The following TAS1R1 variants were observed in gnomAD, a reference collection of about 807,000 sequenced individuals.
The protein encoded by TAS1R1 is taste 1 receptor member 1.
In TAS1R1, 31 loss-of-function variants were observed where a neutral mutation model predicts 45.8. The ratio of observed to expected loss-of-function variants is 0.68; its 90% CI spans 0.51 to 0.91. TAS1R1 has a LOEUF of 0.91. TAS1R1 is among the 40% of genes least tolerant of loss of function. TAS1R1 has a pLI of 0.00. For synonymous variants in TAS1R1, 437 were observed against 448.4 expected (o/e 0.97, Z 0.32); for missense variants, 1,051 against 1,063.9 (o/e 0.99, Z 0.17).
At chr1:6,576,365 A>G in intron 3 of TAS1R1, 50 bp from the exon 4 acceptor site, 1 of 1,590,364 alleles carries the variant, frequency 6.3e-7, no homozygotes, top group Non-Finnish European at 8.6e-7. Context: ...TTCTGGGACC[A>G]TGTGGGTCTG....
rs774137940 is a variant in TAS1R1 at position 6,555,428 on chromosome 1, T to C, written c.55T>C (p.Trp19Arg). Reference sequence around the variant, plus strand: ...CCTGCAGCTTCTCATTTCCTGCTGCTGGGCCTTTGCCTGCCATAGCACGGA... The same window carrying C: ...CCTGCAGCTTCTCATTTCCTGCTGCCGGGCCTTTGCCTGCCATAGCACGGA... ...VGLQLLISCC[W>R]AFACHSTESS... Residue 19 changes from tryptophan (W) to arginine (R), a missense_variant, in exon 1 of 6, where the codon TGG becomes CGG. By Grantham distance (101) the Trp-to-Arg change is moderately radical. Coordinates refer to ENST00000333172, the MANE Select transcript of TAS1R1 (RefSeq NM_138697.4). The C allele has an allele frequency of 2.5e-6, 4 of 1,607,630 alleles. No homozygotes were observed. The highest frequency in any genetic ancestry group is 1.7e-5 in the Admixed American group (1 of 59,410).
At chr1:6,573,434 G>A (rs934391285) in intron 2 of TAS1R1, among the ~76,000 whole-genome samples, 1 of 152,010 alleles carries the variant, frequency 6.6e-6, no homozygotes, top group Non-Finnish European at 1.5e-5. Context: ...TCCATCCTGG[G>A]CGACAGAGCA....
At chr1:6,559,130 T>TCGA (rs1429653965) in intron 1 of TAS1R1, among the ~76,000 whole-genome samples, 4 of 151,940 alleles carry the variant, frequency 2.6e-5, no homozygotes, top group Non-Finnish European at 4.4e-5. Context: ...CCTGACCTCG[T>TCGA]GATCCACCCG....
At chr1:6,557,177 C>CCTACT (rs1315659357) in intron 1 of TAS1R1, among the ~76,000 whole-genome samples, 1 of 150,644 alleles carries the variant, frequency 6.6e-6, no homozygotes, top group Non-Finnish European at 1.5e-5. Flanking sequence ...TGTATGACGA[C>CCTACT]CTACTCGAAG....
chr1:6,578,904 A>G lies in TAS1R1; in HGVS notation c.1846A>G (p.Ser616Gly). ...TATGCTGGGCTCCCTGGCAGCAGGT[A>G]GTGGCAGCCTCTATGGCTTCTTTGG... ...FLMLGSLAAG[S>G]GSLYGFFGEP... The change falls in exon 6 of 6, where the codon AGT becomes GGT. Residue 616 changes from serine (S) to glycine (G), a missense_variant. By Grantham distance (56) the Ser-to-Gly change is moderately conservative. Coordinates refer to ENST00000333172, the MANE Select transcript of TAS1R1 (RefSeq NM_138697.4). 6.2e-6 allele frequency: 10 copies of G among 1,611,674 alleles called. No homozygotes were observed. Among genetic ancestry groups the G allele is most frequent in the Non-Finnish European group, 8.5e-6 (10 of 1,178,320 alleles).
chr1:6,558,771 C>T (rs1048566523), intron 1 of TAS1R1, among the ~76,000 whole-genome samples: 1 of 151,982 alleles, frequency 6.6e-6, no homozygotes, highest in African/African-American at 2.4e-5. Context: ...CAGCCTGGAG[C>T]CAACTGCTGC....
At position 6,575,111 on chromosome 1, in the gene TAS1R1, C is replaced by T. The variant is rs777646803; in HGVS notation, c.979C>T (p.Gln327Ter). 6.3e-7 allele frequency: 1 copy of T among 1,584,702 alleles called. No individual in the cohort carries two copies. The highest frequency in any genetic ancestry group is 8.6e-7 in the Non-Finnish European group (1 of 1,165,730). The change falls in exon 3 of 6, where the codon CAG becomes TAG. Residue 327 changes from glutamine to a stop codon, truncating the protein, a stop_gained. Transcript: ENST00000333172. LOFTEE classifies it high-confidence loss of function. ...TGGGATGGTGCTGGGCGTGGCCATC[C>T]AGAAGAGGGCTGTCCCTGGCCTGAA... ...RIGMVLGVAIQKRAVPGLKAF... is the reference protein window; with the variant it reads ...RIGMVLGVAI
intron 2 of TAS1R1, among the ~76,000 whole-genome samples, chr1:6,571,891 C>T (rs1557807119): frequency 6.6e-6 from 1 of 152,164 alleles, no homozygotes; most frequent in East Asian, 1.9e-4. Flanking sequence ...ATCCCAGTCT[C>T]TCCTGCCTGC....
At chr1:6,572,358 C>G (rs781345060) in intron 2 of TAS1R1, among the ~76,000 whole-genome samples, 4 of 148,578 alleles carry the variant, frequency 2.7e-5, no homozygotes, top group Non-Finnish European at 5.9e-5. Flanking sequence ...CTCCCAGGCT[C>G]AAGCAATCCT....
At position 6,559,646 on chromosome 1, in the gene TAS1R1, G is replaced by A. The variant is rs142294419; in HGVS notation, c.191+4082G>A. Reference sequence around the variant, plus strand: ...TGCACTCCAGCCTGGGCGACAGAGCGAGACTCCCTCTCAAAAAAAAAAAAA... The same window carrying A: ...TGCACTCCAGCCTGGGCGACAGAGCAAGACTCCCTCTCAAAAAAAAAAAAA... On this transcript the variant is annotated intron_variant, in intron 1 of 5. Transcript: ENST00000333172. Among the ~76,000 whole-genome samples, 129 of 142,832 alleles carry A rather than the reference G, an allele frequency of 9.0e-4. 2 individuals carry two copies. The East Asian group carries it at 0.023, about 25-fold the overall frequency. The allele number at this position is 142,832 out of a possible 152,430, so 93.7% of individuals were successfully genotyped here.
At chr1:6,565,509 A>G (rs1227979407) in intron 1 of TAS1R1, among the ~76,000 whole-genome samples, 1 of 152,166 alleles carries the variant, frequency 6.6e-6, no homozygotes, top group Non-Finnish European at 1.5e-5. Context: ...TTGTTGGCCA[A>G]GGACACCAAG....
At chr1:6,575,453 A>G (rs1050508067) in intron 3 of TAS1R1, 61 bp downstream of exon 3, 29 of 1,485,796 alleles carry the variant, frequency 2.0e-5, no homozygotes, top group Admixed American at 2.5e-5. Context: ...AGATGAGCAG[A>G]GTGGGCACTC....
intron 4 of TAS1R1, 124 bp from the exon 5 acceptor site, chr1:6,576,826 G>T (rs543828127): frequency 2.0e-6 from 3 of 1,515,610 alleles, no homozygotes; most frequent in African/African-American, 1.4e-5. Flanking sequence ...AAGTTCACAC[G>T]ACCAGGGGCC....
chr1:6,579,009 G>T lies in TAS1R1; in HGVS notation c.1951G>T (p.Val651Phe). 1 of 1,613,928 alleles carries T rather than the reference G, an allele frequency of 6.2e-7. No homozygotes were observed. The highest frequency in any genetic ancestry group is 8.5e-7 in the Non-Finnish European group (1 of 1,179,814). ...CACCATCTTCCTGTCCTGCCTGACA[G>T]TTCGCTCATTCCAACTAATCATCAT... is the stretch of plus-strand genomic sequence containing the variant. ...GFTIFLSCLTVRSFQLIIIFK... is the reference protein window; with the variant it reads ...GFTIFLSCLTFRSFQLIIIFK... Residue 651 changes from valine to phenylalanine, a missense_variant, in exon 6 of 6, where the codon GTT becomes TTT. Val to Phe is a conservative substitution (Grantham distance 50, BLOSUM62 -1). Transcript: ENST00000333172.
chr1:6,568,928 G>A (rs1274516236), intron 1 of TAS1R1, among the ~76,000 whole-genome samples: 1 of 151,920 alleles, frequency 6.6e-6, no homozygotes, highest in Non-Finnish European at 1.5e-5. Context: ...AGAAGGACCC[G>A]AGATGTTTTT....
intron 1 of TAS1R1, among the ~76,000 whole-genome samples, chr1:6,561,527 T>C (rs2148667726): frequency 6.6e-6 from 1 of 152,198 alleles, no homozygotes; most frequent in Middle Eastern, 3.4e-3. Flanking sequence ...CTGGCTAATA[T>C]GGTGAAGCCC....
Position 6,579,293 on chromosome 1 carries a change from C to T in TAS1R1, c.2235C>T (p.Cys745=). 1 of 1,614,228 alleles carries T rather than the reference C, an allele frequency of 6.2e-7. No individual in the cohort carries two copies. Among genetic ancestry groups the T allele is most frequent in the Non-Finnish European group, 8.5e-7 (1 of 1,180,042 alleles). The change falls in exon 6 of 6, where the codon TGC becomes TGT. Residue 745 remains cysteine, a synonymous_variant. Transcript: ENST00000333172. The stretch of plus-strand genomic sequence containing the variant: ...TCCTCTCCATCAGTGCCTTTGCCTG[C>T]AGCTACCTGGGTAAGGACTTGCCAG... ...NGLLSISAFA[C]SYLGKDLPEN...
Position 6,561,142 on chromosome 1 carries a change from G to A in TAS1R1, c.191+5578G>A, listed in dbSNP as rs567514437. On this transcript the variant is annotated intron_variant, in intron 1 of 5. Transcript: ENST00000333172. ...CTGGGTAAGGAGATGTAGGAGGCAA[G>A]GGCCAAATGCTAAAAGGAGAAAATG... Among the ~76,000 whole-genome samples the A allele has an allele frequency of 3.6e-3, 555 of 152,296 alleles. 3 individuals carry two copies. The highest frequency in any genetic ancestry group is 6.8e-3 in the Non-Finnish European group (463 of 68,018).
intron 1 of TAS1R1, among the ~76,000 whole-genome samples, chr1:6,568,633 G>A (rs570450852): frequency 1.4e-4 from 21 of 152,230 alleles, no homozygotes; most frequent in Middle Eastern, 3.4e-3. Flanking sequence ...GCTTTGTTAA[G>A]GCCTGCAATG....
Sources: gnomAD v4.1 joint callset for allele counts (sites outside exome capture counted in the v4.1 genomes callset) on GRCh38, gnomAD v4.1.1 for gene constraint, MANE v1.5 for transcripts, NCBI Gene and HGNC (gene_info 2026-07-23, HGNC 2026-07-21) for gene names.